EPS8: variants seen among roughly 807,000 people sequenced by gnomAD.
EPS8 encodes the protein epidermal growth factor receptor kinase substrate 8.
In EPS8, 42 loss-of-function variants were observed where a neutral mutation model predicts 103.8. The observed-to-expected ratio is 0.40, with a 90% CI of 0.32 to 0.52. The LOEUF (loss-of-function observed/expected upper bound fraction) is 0.52. Ranked by LOEUF, EPS8 falls within the 20% of genes least tolerant of loss-of-function variation. The pLI is 0.40. For synonymous variants in EPS8, 344 were observed against 344.6 expected (o/e 1.00, Z 0.02); for missense variants, 969 against 1,005.1 (o/e 0.96, Z 0.49).
At chr12:15,726,626 A>G (rs1946656023) in intron 1 of EPS8, among the ~76,000 whole-genome samples, 1 of 152,218 alleles carries the variant, frequency 6.6e-6, no homozygotes, top group South Asian at 2.1e-4. Flanking sequence ...CAGAGATATT[A>G]GTGATATAGT....
chr12:15,722,332 C>G (rs547180829), intron 1 of EPS8, among the ~76,000 whole-genome samples: 39 of 152,088 alleles, frequency 2.6e-4, no homozygotes, highest in Non-Finnish European at 5.0e-4. Flanking sequence ...TTACCCCCCC[C>G]AAAAATTATG....
intron 13 of EPS8, among the ~76,000 whole-genome samples, chr12:15,652,338 C>T (rs1174225702): frequency 1.3e-5 from 2 of 152,072 alleles, no homozygotes; most frequent in East Asian, 3.9e-4. Context: ...TGGATACAAA[C>T]GTACATTGAC....
rs114289896 is a variant in EPS8, at chr12:15,733,252, G to A, written c.-21-50280C>T. Among the ~76,000 whole-genome samples the A allele has an allele frequency of 0.012, 1,820 of 152,292 alleles. 34 individuals carry two copies. The highest frequency in any genetic ancestry group is 0.042 in the African/African-American group (1,731 of 41,556). On this transcript the variant is annotated intron_variant, in intron 1 of 20. Coordinates refer to ENST00000281172, the MANE Select transcript of EPS8 (RefSeq NM_004447.6). The surrounding 1 kb of genome is among the most constrained non-coding windows in gnomAD (Gnocchi z 4.8). ...GAAACTTAGAATCATGGTGGAAGGG[G>A]AAGGGGAAGCAAGCCCGTCTAACAG...
At chr12:15,625,177 A>G (rs377217845) in intron 18 of EPS8, among the ~76,000 whole-genome samples, 1 of 152,344 alleles carries the variant, frequency 6.6e-6, no homozygotes, top group East Asian at 1.9e-4. Context: ...TCTTCCTAAC[A>G]GCACTTTCCC....
chr12:15,722,082 T>C lies in EPS8; in HGVS notation c.-21-39110A>G, dbSNP rs150800007. Reference sequence around the variant, plus strand: ...CCATTGCACTATGAATGATTTCTCATTGAAGCCTTCTACAGCAGGGGTGTC... The same window carrying C: ...CCATTGCACTATGAATGATTTCTCACTGAAGCCTTCTACAGCAGGGGTGTC... On this transcript the variant is annotated intron_variant, in intron 1 of 20. Transcript: ENST00000281172. Among the ~76,000 whole-genome samples the C allele has an allele frequency of 3.5e-3, 536 of 151,998 alleles. 6 individuals are homozygous for C. The highest frequency in any genetic ancestry group is 0.01 in the African/African-American group (424 of 41,474).
At chr12:15,621,888 C>G (rs756162950) in intron 20 of EPS8, among the ~76,000 whole-genome samples, 1 of 152,148 alleles carries the variant, frequency 6.6e-6, no homozygotes, top group Non-Finnish European at 1.5e-5. Flanking sequence ...ACCATGCTGG[C>G]TTTTCTCCTT....
intron 1 of EPS8, among the ~76,000 whole-genome samples, chr12:15,770,302 A>AG (rs966623344): frequency 5.9e-5 from 9 of 151,512 alleles, no homozygotes; most frequent in South Asian, 4.2e-4. Context: ...AAAAAAAAAA[A>AG]AAGAAGAAGA....
intron 19 of EPS8, 71 bp from the exon 20 acceptor site, chr12:15,623,358 T>C (rs1591795397): frequency 1.1e-5 from 15 of 1,391,714 alleles, no homozygotes; most frequent in Non-Finnish European, 1.5e-5. Flanking sequence ...GAAAATTATC[T>C]GTTCCTGCTA....
Position 15,706,319 on chromosome 12 carries a change from C to T in EPS8, c.-21-23347G>A, listed in dbSNP as rs781768114. Among the ~76,000 whole-genome samples, 3 of 152,286 alleles carry T rather than the reference C, an allele frequency of 2.0e-5. No homozygotes were observed. The highest frequency in any genetic ancestry group is 7.2e-5 in the African/African-American group (3 of 41,566). On this transcript the variant is annotated intron_variant, in intron 1 of 20. Coordinates refer to ENST00000281172, the MANE Select transcript of EPS8 (RefSeq NM_004447.6). This position sits in a 1 kb window ranked among gnomAD's most constrained non-coding sequence, Gnocchi z 5.2. The stretch of plus-strand genomic sequence containing the variant: ...GGAACCTGGGATTCAAAAGGCAAGG[C>T]GGGAAGCACTGCAGCATTGACAATG...
At chr12:15,637,121 A>G (rs1352077046) in intron 17 of EPS8, among the ~76,000 whole-genome samples, 1 of 152,248 alleles carries the variant, frequency 6.6e-6, no homozygotes, top group Non-Finnish European at 1.5e-5. Context: ...CCTGGGTTCA[A>G]GCGATTCTCC....
In EPS8 at chr12:15,751,604, A is replaced by G. The variant is rs981613062; in HGVS notation, c.-22+37557T>C. Among the ~76,000 whole-genome samples the G allele has an allele frequency of 4.6e-5, 7 of 152,114 alleles. No individual in the cohort carries two copies. Among genetic ancestry groups the G allele is most frequent in the Non-Finnish European group, 1.0e-4 (7 of 68,018 alleles). ...GATTCAATACTGGGCAGTTTCAGAC[A>G]CTAGGGACATAGCAGTAAAAAAAGG... On this transcript the variant is annotated intron_variant, in intron 1 of 20. Coordinates refer to ENST00000281172, the MANE Select transcript of EPS8 (RefSeq NM_004447.6). The surrounding 1 kb of genome is among the most constrained non-coding windows in gnomAD (Gnocchi z 4.3).
intron 1 of EPS8, among the ~76,000 whole-genome samples, chr12:15,740,686 G>T (rs1164585268): frequency 6.6e-6 from 1 of 152,186 alleles, no homozygotes; most frequent in East Asian, 1.9e-4. Context: ...GCCAGTACAG[G>T]CTAAAGAATA....
At chr12:15,657,150 C>CTTCATTCTG (rs1945521442) in intron 12 of EPS8, among the ~76,000 whole-genome samples, 1 of 152,148 alleles carries the variant, frequency 6.6e-6, no homozygotes, top group South Asian at 2.1e-4. Context: ...CTAATCTTTT[C>CTTCATTCTG]TTCATTCTGT....
chr12:15,624,147 T>C (rs1944905298), intron 19 of EPS8, 80 bp downstream of exon 19: 4 of 1,100,676 alleles, frequency 3.6e-6, no homozygotes, highest in Non-Finnish European at 2.7e-6. Flanking sequence ...ATAACAGTTA[T>C]CTGTGACATC....
In EPS8 at chr12:15,717,574, G is replaced by A. The variant is rs942348102; in HGVS notation, c.-21-34602C>T. Among the ~76,000 whole-genome samples, 19 of 152,042 alleles carry A rather than the reference G, an allele frequency of 1.2e-4. No homozygotes were observed. Among genetic ancestry groups the A allele is most frequent in the East Asian group, 7.7e-4 (4 of 5,174 alleles). On this transcript the variant is annotated intron_variant, in intron 1 of 20. Transcript: ENST00000281172. This position sits in a 1 kb window ranked among gnomAD's most constrained non-coding sequence, Gnocchi z 4.3. ...TGCACTCCAGCCTGGGTGACAGCAC[G>A]AGACTCCATCTCAAAAAAAAAGAAA...
At chr12:15,729,375 T>C (rs1002296388) in intron 1 of EPS8, among the ~76,000 whole-genome samples, 4 of 152,222 alleles carry the variant, frequency 2.6e-5, no homozygotes, top group Non-Finnish European at 5.9e-5. Flanking sequence ...CTTCTCCTCA[T>C]GGCATTCCCA....
intron 2 of EPS8, 149 bp downstream of exon 2, chr12:15,682,744 A>G (rs1380104169): frequency 1.7e-6 from 1 of 576,098 alleles, no homozygotes; most frequent in Non-Finnish European, 3.0e-6. Context: ...TTTTAATAAC[A>G]TGTGTTGTAA....
intron 1 of EPS8, among the ~76,000 whole-genome samples, chr12:15,756,222 C>A (rs1946984974): frequency 6.6e-6 from 1 of 152,164 alleles, no homozygotes; most frequent in African/African-American, 2.4e-5. Context: ...AATTAAGTAT[C>A]ATGAGTCTGA....
chr12:15,758,935 T>C (rs1405093189), intron 1 of EPS8, among the ~76,000 whole-genome samples: 2 of 152,154 alleles, frequency 1.3e-5, no homozygotes, highest in African/African-American at 4.8e-5. Context: ...TGTAAAATGC[T>C]AATAATCAGT....
Sources: allele counts gnomAD v4.1 joint callset (sites outside exome capture counted in the v4.1 genomes callset), GRCh38; gene constraint gnomAD v4.1.1; non-coding constraint Gnocchi (gnomAD v3.1); transcripts MANE v1.5; gene names NCBI Gene and HGNC (gene_info 2026-07-23, HGNC 2026-07-21).